The following DLGAP2 variants were observed in gnomAD, a reference collection of about 807,000 sequenced individuals.
DLGAP2 encodes the protein disks large-associated protein 2.
A neutral mutation model predicts 100.3 loss-of-function variants in DLGAP2; 26 were observed. The observed-to-expected ratio is 0.26, with a 90% confidence interval of 0.19 to 0.36. DLGAP2 has a LOEUF of 0.36. Among genes scored for constraint, DLGAP2 ranks in the 10% least tolerant of loss-of-function variants. The pLI is 1.00. For missense variants in DLGAP2, 1,858 were observed against 1,453.2 expected, an observed-to-expected ratio of 1.28 and a Z score of -4.53; for synonymous variants, 886 against 630.1, an observed-to-expected ratio of 1.41 and a Z score of -6.08.
At chr8:846,030 C>G (rs940910096) in intron 1 of DLGAP2, among the ~76,000 whole-genome samples, 14 of 152,222 alleles carry the variant, frequency 9.2e-5, no homozygotes, top group African/African-American at 3.4e-4. Context: ...CTTATACACA[C>G]TTACGGAGTA....
chr8:1,015,244 GTA>G (rs772386078), intron 2 of DLGAP2, among the ~76,000 whole-genome samples: 1 of 7,156 alleles, frequency 1.4e-4, no homozygotes, highest in African/African-American at 3.2e-4. Context: ...TCCACTGTGT[GTA>G]TGACCAGGAC....
chr8:1,597,231 T>C (rs1796485245), intron 6 of DLGAP2, among the ~76,000 whole-genome samples: 1 of 152,218 alleles, frequency 6.6e-6, no homozygotes, highest in Non-Finnish European at 1.5e-5. Flanking sequence ...TATGTATCTG[T>C]TTTGATACTA....
intron 2 of DLGAP2, among the ~76,000 whole-genome samples, chr8:1,163,283 C>G (rs1796927171): frequency 6.6e-6 from 1 of 152,232 alleles, no homozygotes; most frequent in Admixed American, 6.5e-5. Context: ...AGATATTAAA[C>G]TCCCAGACGG....
rs892577270 is a variant in DLGAP2, at chr8:1,353,480, G to A, written c.106+94597G>A. ...TTGTGCCGGATGATCTTGCCCCGCT[G>A]CAGGCTCATCTAAGTGTTCTGAGCA... On this transcript the variant is annotated intron_variant, in intron 3 of 14. Coordinates refer to ENST00000637795, the MANE Select transcript of DLGAP2 (RefSeq NM_001346810.2). Among the ~76,000 whole-genome samples, 8 of 152,188 alleles carry A rather than the reference G, an allele frequency of 5.3e-5. No individual in the cohort carries two copies. In the East Asian group the frequency reaches 1.5e-3, roughly 29 times the overall value.
At chr8:1,198,087 T>C (rs898754680) in intron 2 of DLGAP2, among the ~76,000 whole-genome samples, 5 of 151,930 alleles carry the variant, frequency 3.3e-5, no homozygotes, top group African/African-American at 1.2e-4. Context: ...GTTACCTGTG[T>C]GGTTCTGTGT....
At chr8:1,060,092 C>T (rs1046246962) in intron 2 of DLGAP2, among the ~76,000 whole-genome samples, 3 of 152,142 alleles carry the variant, frequency 2.0e-5, no homozygotes, top group Non-Finnish European at 2.9e-5. Context: ...GGGTCAGATG[C>T]GAACTGTTCC....
chr8:958,582 CAAAA>C (rs1207044026), intron 2 of DLGAP2, among the ~76,000 whole-genome samples: 2 of 85,738 alleles, frequency 2.3e-5, no homozygotes, highest in Non-Finnish European at 4.9e-5. Flanking sequence ...ACTAGACCTC[CAAAA>C]AAAAAAAAAA....
At chr8:911,626 T>C (rs1798486729) in intron 2 of DLGAP2, among the ~76,000 whole-genome samples, 2 of 151,056 alleles carry the variant, frequency 1.3e-5, no homozygotes, top group Non-Finnish European at 2.9e-5. Context: ...GAAGGATGCA[T>C]GTATAATGTA....
chr8:855,934 C>T (rs753492573), intron 1 of DLGAP2, among the ~76,000 whole-genome samples: 1 of 152,112 alleles, frequency 6.6e-6, no homozygotes, highest in Non-Finnish European at 1.5e-5. Flanking sequence ...CACCCCCCAA[C>T]AGCTAAGTTC....
intron 1 of DLGAP2, among the ~76,000 whole-genome samples, chr8:877,891 GA>G (rs1400937294): frequency 6.6e-6 from 1 of 152,236 alleles, no homozygotes; most frequent in Non-Finnish European, 1.5e-5. Flanking sequence ...GAAAAATGAA[GA>G]CATCCCAAGT....
At chr8:1,592,873 C>A (rs887254307) in intron 6 of DLGAP2, among the ~76,000 whole-genome samples, 1 of 152,198 alleles carries the variant, frequency 6.6e-6, no homozygotes, top group Non-Finnish European at 1.5e-5. Flanking sequence ...TTACATGGAG[C>A]AGTTACACTA....
chr8:1,172,945 A>T (rs1291906879), intron 2 of DLGAP2, among the ~76,000 whole-genome samples: 1 of 152,130 alleles, frequency 6.6e-6, no homozygotes, highest in Admixed American at 6.5e-5. Flanking sequence ...GCTTTGGAGG[A>T]GGAGAGGTGC....
chr8:908,096 C>A lies in DLGAP2; in HGVS notation c.73+130C>A, dbSNP rs868247976. ...GTGGGTTGTTTTTAGTGCAAGATTG[C>A]GTATTAACTAACTGTAAGACCTGAA... is the stretch of plus-strand genomic sequence containing the variant. On this transcript the variant is annotated intron_variant, in intron 2 of 14. Transcript: ENST00000637795. The A allele has an allele frequency of 2.6e-5, 10 of 391,014 alleles. No individual in the cohort carries two copies. In the South Asian group the frequency reaches 1.4e-3, roughly 56 times the overall value. 24.2% of individuals were successfully genotyped at this position (391,014 alleles called of 1,614,324 possible).
chr8:1,195,604 C>G (rs117031968), intron 2 of DLGAP2, among the ~76,000 whole-genome samples: 9,601 of 152,262 alleles, frequency 0.063, 379 homozygotes, highest in Non-Finnish European at 0.098. Context: ...CATAAAACAT[C>G]TAATTCTTAT....
chr8:1,701,485 C>T lies in DLGAP2; in HGVS notation c.*79C>T, dbSNP rs1585079316. ...CAGCGCGGCGCCGCCCTGGTGGTTT[C>T]TGTCTCCTCCTCCCGCTGAACACGT... is the stretch of plus-strand genomic sequence containing the variant. On this transcript the variant is annotated 3_prime_UTR_variant, in exon 15 of 15. Transcript: ENST00000637795. The T allele has an allele frequency of 2.9e-6, 4 of 1,388,350 alleles. No individual in the cohort carries two copies. In the East Asian group the frequency reaches 1.0e-4, roughly 35 times the overall value. 86.0% of individuals were successfully genotyped at this position (1,388,350 alleles called of 1,614,324 possible). A position where few individuals can be genotyped will look rare whatever the true frequency, so the allele number is the denominator to read the frequency against.
chr8:1,529,287 A>G (rs1055831783), intron 4 of DLGAP2, among the ~76,000 whole-genome samples: 4 of 152,346 alleles, frequency 2.6e-5, no homozygotes, highest in African/African-American at 9.6e-5. Context: ...CATGGGGGAT[A>G]CAGCCCCCAG....
intron 2 of DLGAP2, among the ~76,000 whole-genome samples, chr8:1,027,890 G>A (rs1361527653): frequency 4.9e-5 from 7 of 142,020 alleles, no homozygotes; most frequent in African/African-American, 7.9e-5. Context: ...CAGGTGGGGT[G>A]CCAGGCGCCC....
intron 3 of DLGAP2, among the ~76,000 whole-genome samples, chr8:1,420,887 G>C (rs1797070820): frequency 6.6e-6 from 1 of 152,162 alleles, no homozygotes; most frequent in Admixed American, 6.5e-5. Context: ...TTCGTTGCCT[G>C]GGCTGCAGGT....
intron 1 of DLGAP2, among the ~76,000 whole-genome samples, chr8:808,648 G>A (rs1796312276): frequency 1.3e-5 from 2 of 152,144 alleles, no homozygotes; most frequent in Non-Finnish European, 2.9e-5. Flanking sequence ...CCGAGCTCCT[G>A]CCCACCCAGG....
Sources: gnomAD v4.1 joint callset for allele counts (sites outside exome capture counted in the v4.1 genomes callset) on GRCh38, gnomAD v4.1.1 for gene constraint, MANE v1.5 for transcripts, NCBI Gene and HGNC (gene_info 2026-07-23, HGNC 2026-07-21) for gene names.